INF2: variants seen among roughly 807,000 people sequenced by gnomAD.
INF2 encodes inverted formin-2.
A neutral mutation model predicts 123.5 loss-of-function variants in INF2; 43 were observed. The observed-to-expected ratio is 0.35, with a 90% CI of 0.27 to 0.45. The LOEUF (loss-of-function observed/expected upper bound fraction) is 0.45, where lower values mean the gene tolerates loss of function less well. Among genes scored for constraint, INF2 ranks in the 20% least tolerant of loss-of-function variants. INF2 has a pLI of 1.00. For missense variants in INF2, 1,453 were observed against 1,682.7 expected (o/e 0.86, Z 2.39); for synonymous variants, 851 against 745.0 (o/e 1.14, Z -2.32).
exon 1 of INF2, chr14:104,681,499 G>A (rs1405369036): frequency 9.3e-6 from 11 of 1,182,174 alleles, no homozygotes; most frequent in Admixed American, 4.6e-5. Context: ...ACCGGCACAC[G>A]GGCACCAGCG....
Position 104,712,834 on chromosome 14 carries a change from A to G in INF2, c.2617A>G (p.Ile873Val), listed in dbSNP as rs1453391298. Residue 873 changes from isoleucine to valine, a missense_variant, in exon 18 of 23, where the codon ATC becomes GTC. Physicochemically the swap from Ile to Val is conservative, Grantham distance 29. Coordinates refer to ENST00000392634, the MANE Select transcript of INF2 (RefSeq NM_022489.4). Reference protein sequence around the residue: ...EQYTERLQASISAFRALDELF... With the variant: ...EQYTERLQASVSAFRALDELF... ...CACGTGCCCTTGCCCCCAGGCCAGC[A>G]TCTCGGCCTTCCGGGCACTGGATGA... 4 of 1,610,020 alleles carry G rather than the reference A, an allele frequency of 2.5e-6. No individual in the cohort carries two copies. In the East Asian group the frequency reaches 6.7e-5, roughly 27 times the overall value.
intron 1 of INF2, among the ~76,000 whole-genome samples, chr14:104,700,279 G>A (rs902262509): frequency 5.3e-5 from 8 of 152,166 alleles, no homozygotes; most frequent in South Asian, 2.1e-4. Context: ...GGACCCAGCC[G>A]CCTCCAGTTC....
At chr14:104,700,963 C>T in intron 1 of INF2, 2 of 695,460 alleles carry the variant, frequency 2.9e-6, no homozygotes, top group Non-Finnish European at 1.8e-6. Flanking sequence ...GCATCATTAC[C>T]GTGGGTAATG....
chr14:104,714,505 A>G lies in INF2; in HGVS notation c.3343A>G (p.Lys1115Glu). 1 of 1,612,718 alleles carries G rather than the reference A, an allele frequency of 6.2e-7. No individual in the cohort carries two copies. The highest frequency in any genetic ancestry group is 8.5e-7 in the Non-Finnish European group (1 of 1,179,852). ...LGDAQALKPL[K>E]FSSNQPPAAG... Reference sequence around the variant, plus strand: ...AGATGCTCAGGCCCTGAAGCCCCTCAAGTTCTCCAGCAACCAGCCCCCTGC... The same window carrying G: ...AGATGCTCAGGCCCTGAAGCCCCTCGAGTTCTCCAGCAACCAGCCCCCTGC... The change falls in exon 21 of 23, where the codon AAG becomes GAG. Residue 1115 changes from lysine to glutamate, a missense_variant. By Grantham distance (56) the Lys-to-Glu change is moderately conservative. Around this residue, in one of 8 missense-constraint regions of INF2, gnomAD observed 344 missense variants for 333.1 expected, o/e 1.03. Coordinates refer to ENST00000392634, the MANE Select transcript of INF2 (RefSeq NM_022489.4).
chr14:104,711,804 G>T, intron 16 of INF2, 105 bp downstream of exon 16: 1 of 1,064,162 alleles, frequency 9.4e-7, no homozygotes, highest in Non-Finnish European at 1.4e-6. Flanking sequence ...CACAGCTGCA[G>T]CGCAGCCCCG....
chr14:104,689,285 G>A, upstream of INF2: 3 of 983,594 alleles, frequency 3.1e-6, no homozygotes, highest in Non-Finnish European at 3.6e-6. Flanking sequence ...CGGAGGATAG[G>A]GGTGTAGGTG....
upstream of INF2, chr14:104,689,540 C>A: frequency 2.3e-6 from 2 of 855,814 alleles, no homozygotes; most frequent in Non-Finnish European, 2.8e-6. Flanking sequence ...CCCCGGCCCG[C>A]GCTCGCTCCC....
Position 104,713,060 on chromosome 14 carries a change from C to T in INF2, c.2775+68C>T, listed in dbSNP as rs569260691. 3.2e-5 allele frequency: 52 copies of T among 1,608,396 alleles called. 1 individual carries two copies. In the Middle Eastern group the frequency reaches 6.4e-4, roughly 20 times the overall value. On this transcript the variant is annotated intron_variant, in intron 18 of 22. Coordinates refer to ENST00000392634, the MANE Select transcript of INF2 (RefSeq NM_022489.4). ...GGTCCCGAGGCCCCTGGCCTTCCTC[C>T]GGCAGGATGGGCAGAGGCACCTTTC...
intron 11 of INF2, 65 bp downstream of exon 11, chr14:104,709,448 G>T: frequency 1.4e-6 from 2 of 1,385,086 alleles, no homozygotes; most frequent in Non-Finnish European, 2.0e-6. Context: ...AGGCTGTCCC[G>T]GGGGCTCCCA....
chr14:104,715,359 C>G lies in INF2; in HGVS notation c.*1+19C>G. Reference sequence around the variant, plus strand: ...CAGTAAGGTATGTACGCAGCCGGCGCTCCGTGGGGGCTAACAGCAGCTGCA... The same window carrying G: ...CAGTAAGGTATGTACGCAGCCGGCGGTCCGTGGGGGCTAACAGCAGCTGCA... On this transcript the variant is annotated intron_variant, in intron 22 of 22. Coordinates refer to ENST00000392634, the MANE Select transcript of INF2 (RefSeq NM_022489.4). 5.0e-6 allele frequency: 8 copies of G among 1,610,840 alleles called. No homozygotes were observed. The highest frequency in any genetic ancestry group is 6.8e-6 in the Non-Finnish European group (8 of 1,177,748).
Position 104,714,876 on chromosome 14 carries a change from C to T in INF2, c.3694+20C>T, listed in dbSNP as rs769373012. On this transcript the variant is annotated intron_variant, in intron 21 of 22. Transcript: ENST00000392634. ...AGGAAGGTAACTCAGGGAGGGGCCC[C>T]GGGCACCGTCCCACGCCAGGGCGCT... 30 of 1,522,054 alleles carry T rather than the reference C, an allele frequency of 2.0e-5. No homozygotes were observed. Among genetic ancestry groups the T allele is most frequent in the African/African-American group, 1.7e-4 (12 of 71,572 alleles). 94.3% of individuals were successfully genotyped at this position (1,522,054 alleles called of 1,614,324 possible).
chr14:104,709,183 G>A, intron 10 of INF2, 98 bp from the exon 11 acceptor site: 1 of 892,392 alleles, frequency 1.1e-6, no homozygotes, highest in Non-Finnish European at 1.8e-6. Context: ...GCCACCCCAT[G>A]ACTACGTGGG....
At chr14:104,715,393 G>C in intron 22 of INF2, 53 bp downstream of exon 22, 2 of 1,523,748 alleles carry the variant, frequency 1.3e-6, no homozygotes, top group Non-Finnish European at 1.8e-6. Flanking sequence ...CAGGGCAGTG[G>C]GGCTGGAGCT....
intron 1 of INF2, among the ~76,000 whole-genome samples, chr14:104,682,818 C>G (rs547707283): frequency 6.6e-6 from 1 of 152,144 alleles, no homozygotes; most frequent in Non-Finnish European, 1.5e-5. Context: ...CACGTCCCCC[C>G]CGGACAAGTC....
Position 104,709,342 on chromosome 14 carries a change from G to A in INF2, c.2011G>A (p.Val671Ile), listed in dbSNP as rs780081758. 4 of 1,613,160 alleles carry A rather than the reference G, an allele frequency of 2.5e-6. No individual in the cohort carries two copies. Among genetic ancestry groups the A allele is most frequent in the Non-Finnish European group, 3.4e-6 (4 of 1,179,834 alleles). The change falls in exon 11 of 23, where the codon GTT (valine) becomes ATT (isoleucine). Residue 671 changes from valine to isoleucine, a missense_variant. Val to Ile is a conservative substitution (Grantham distance 29). Coordinates refer to ENST00000392634, the MANE Select transcript of INF2 (RefSeq NM_022489.4). ...AGDTTKFDVE[V>I]LKQLLKLLPE... is the part of the protein sequence containing the mutation. ...AGATACCACCAAGTTTGATGTGGAG[G>A]TTCTCAAACAACTCCTTAAGCTCCT...
intron 8 of INF2, chr14:104,708,215 A>G: frequency 1.1e-6 from 1 of 876,282 alleles, no homozygotes; most frequent in Admixed American, 2.5e-5. Context: ...CCCCCTCCAC[A>G]TGCTCCCGTG....
At chr14:104,681,389 G>A (rs1163859715) in exon 1 of INF2, 3 of 460,438 alleles carry the variant, frequency 6.5e-6, no homozygotes, top group South Asian at 1.5e-5. Context: ...CCTCACCTTG[G>A]GGACCTTGGA....
intron 6 of INF2, among the ~76,000 whole-genome samples, chr14:104,706,607 C>T (rs904821218): frequency 6.6e-6 from 1 of 152,182 alleles, no homozygotes. Flanking sequence ...CAGCTCTCAT[C>T]TGGGGGCAGT....
At position 104,714,774 on chromosome 14, in the gene INF2, G is replaced by A. The variant is rs150811244; in HGVS notation, c.3612G>A (p.Ser1204=). Reference sequence around the variant, plus strand: ...ATGCGGTGACCGACTCCTCGGGGTCGGGCACACTCCCCAGGGCCCGGGGCC... The same window carrying A: ...ATGCGGTGACCGACTCCTCGGGGTCAGGCACACTCCCCAGGGCCCGGGGCC... The part of the protein sequence containing the change: ...SEDAVTDSSG[S]GTLPRARGRA... Residue 1204 remains serine (S), a synonymous_variant, in exon 21 of 23, where the codon TCG becomes TCA. Coordinates refer to ENST00000392634, the MANE Select transcript of INF2 (RefSeq NM_022489.4). 2.1e-4 allele frequency: 338 copies of A among 1,600,200 alleles called. 2 individuals are homozygous for A. In the African/African-American group the frequency reaches 3.9e-3, roughly 19 times the overall value.
Sources: allele counts gnomAD v4.1 joint callset (sites outside exome capture counted in the v4.1 genomes callset), GRCh38; gene constraint gnomAD v4.1.1; regional missense constraint gnomAD v4.1.1; transcripts MANE v1.5; gene names NCBI Gene and HGNC (gene_info 2026-07-23, HGNC 2026-07-21).